The following MAPK10 variants were observed in gnomAD, a reference collection of about 807,000 sequenced individuals.
MAPK10 encodes JNK3 alpha protein kinase.
In MAPK10, 25 loss-of-function variants were observed where a neutral mutation model predicts 59.3. The ratio of observed to expected loss-of-function variants is 0.42; its 90% CI spans 0.31 to 0.59. The LOEUF (loss-of-function observed/expected upper bound fraction) is 0.59. Among genes scored for constraint, MAPK10 ranks in the 20% least tolerant of loss-of-function variants. The pLI is 0.15. For synonymous variants in MAPK10, 190 were observed against 200.5 expected (o/e 0.95, Z 0.44); for missense variants, 351 against 568.9 (o/e 0.62, Z 3.90).
chr4:86,297,900 A>G (rs2095398994), intron 2 of MAPK10, among the ~76,000 whole-genome samples: 1 of 152,150 alleles, frequency 6.6e-6, no homozygotes, highest in Non-Finnish European at 1.5e-5. Flanking sequence ...AAGATCTCTC[A>G]TGACTGGCCC....
chr4:86,540,359 G>C (rs1484442733), intron 1 of MAPK10, among the ~76,000 whole-genome samples: 1 of 152,016 alleles, frequency 6.6e-6, no homozygotes, highest in Non-Finnish European at 1.5e-5. Context: ...AATTAGCCGG[G>C]TATGGTGTCG....
intron 11 of MAPK10, among the ~76,000 whole-genome samples, chr4:86,033,256 G>A (rs769092072): frequency 2.6e-5 from 4 of 152,170 alleles, no homozygotes; most frequent in Admixed American, 6.5e-5. Flanking sequence ...GTAAATTTCC[G>A]GCTTTGCCTC....
At chr4:86,425,124 A>G (rs777401106) in intron 1 of MAPK10, among the ~76,000 whole-genome samples, 1 of 152,192 alleles carries the variant, frequency 6.6e-6, no homozygotes, top group Non-Finnish European at 1.5e-5. Context: ...TCAAGCAAAG[A>G]AAGAATCAAC....
chr4:86,570,406 C>G (rs1761365577), intron 1 of MAPK10, among the ~76,000 whole-genome samples: 1 of 152,044 alleles, frequency 6.6e-6, no homozygotes, highest in Non-Finnish European at 1.5e-5. Flanking sequence ...TTATCCCCCA[C>G]CAAAATAATT....
In MAPK10 at chr4:86,576,819, A is replaced by G. The variant is rs575825771; in HGVS notation, c.-263+17091T>C. Among the ~76,000 whole-genome samples the G allele has an allele frequency of 1.5e-3, 227 of 152,150 alleles. 1 individual carries two copies. The highest frequency in any genetic ancestry group is 5.2e-3 in the African/African-American group (214 of 41,510). ...CCTATAATTGGTTAATTATTGTGAA[A>G]TGTCTGAACACTAGACGAAGGTTTT... is the stretch of plus-strand genomic sequence containing the variant. On this transcript the variant is annotated intron_variant, in intron 1 of 4. Coordinates refer to the MAPK10 transcript ENST00000502302.
chr4:86,173,294 T>C (rs149960115), intron 3 of MAPK10, among the ~76,000 whole-genome samples: 2 of 152,096 alleles, frequency 1.3e-5, no homozygotes, highest in Non-Finnish European at 2.9e-5. Flanking sequence ...TTGAACAGAA[T>C]AGAGGGCTCA....
intron 2 of MAPK10, among the ~76,000 whole-genome samples, chr4:86,300,187 C>T (rs1584311027): frequency 6.6e-6 from 1 of 152,196 alleles, no homozygotes; most frequent in East Asian, 1.9e-4. Context: ...ACCACCTCAC[C>T]TGGCCTAATA....
chr4:86,017,044 G>A lies in MAPK10; in HGVS notation c.*184C>T, dbSNP rs1368840313. On this transcript the variant is annotated 3_prime_UTR_variant, in exon 14 of 14. Transcript: ENST00000641462. This position sits in a 1 kb window ranked among gnomAD's most constrained non-coding sequence, Gnocchi z 4.4. The stretch of plus-strand genomic sequence containing the variant: ...GTTAAATATACATTTGAGCTTAGCT[G>A]CAATACAGAACCCTGGGGAAGAAGC... 5.0e-6 allele frequency: 3 copies of A among 604,438 alleles called. No individual in the cohort carries two copies. Among genetic ancestry groups the A allele is most frequent in the Non-Finnish European group, 8.4e-6 (3 of 356,984 alleles). The allele number at this position is 604,438 out of a possible 1,614,324, so 37.4% of individuals were successfully genotyped here.
At chr4:86,529,003 ACT>A (rs1484734749) in intron 1 of MAPK10, among the ~76,000 whole-genome samples, 2 of 151,994 alleles carry the variant, frequency 1.3e-5, no homozygotes, top group Non-Finnish European at 2.9e-5. Context: ...AAGAGTTCTA[ACT>A]CTCTGTCACC....
chr4:86,507,908 C>T (rs928292789), intron 1 of MAPK10, among the ~76,000 whole-genome samples: 1 of 150,482 alleles, frequency 6.6e-6, no homozygotes, highest in South Asian at 2.1e-4. Flanking sequence ...AAGGCCATTG[C>T]AACTGTATAC....
At chr4:86,541,174 G>A (rs1758664658) in intron 1 of MAPK10, among the ~76,000 whole-genome samples, 2 of 152,130 alleles carry the variant, frequency 1.3e-5, no homozygotes, top group African/African-American at 2.4e-5. Flanking sequence ...CAATGCGACA[G>A]CTGGCTTATG....
intron 1 of MAPK10, among the ~76,000 whole-genome samples, chr4:86,359,286 CTCTGTGTG>C (rs1169396588): frequency 1.9e-4 from 22 of 118,104 alleles, no homozygotes; most frequent in African/African-American, 7.1e-4. Context: ...CTCTCTCTCT[CTCTGTGTG>C]TGTGTGTGTG....
chr4:86,584,402 G>A (rs994967969), intron 1 of MAPK10, among the ~76,000 whole-genome samples: 1 of 152,140 alleles, frequency 6.6e-6, no homozygotes, highest in Non-Finnish European at 1.5e-5. Context: ...ATATTAATAT[G>A]TCTTGAAAAA....
At chr4:86,121,690 T>A (rs2059280942) in intron 4 of MAPK10, among the ~76,000 whole-genome samples, 3 of 152,160 alleles carry the variant, frequency 2.0e-5, no homozygotes, top group African/African-American at 4.8e-5. Context: ...CTAATTAACA[T>A]ATATATTACC....
chr4:86,462,483 C>T (rs1021630062), intron 1 of MAPK10, among the ~76,000 whole-genome samples: 1 of 152,154 alleles, frequency 6.6e-6, no homozygotes, highest in Admixed American at 6.5e-5. Context: ...AAACATCCTA[C>T]CTGTGAAATA....
chr4:86,135,785 GA>G (rs1191116698), intron 4 of MAPK10, among the ~76,000 whole-genome samples: 5 of 152,024 alleles, frequency 3.3e-5, no homozygotes, highest in Admixed American at 3.3e-4. Flanking sequence ...TGAAAACTTT[GA>G]AAAAAATTTA....
chr4:86,106,416 T>C (rs1331009190), intron 5 of MAPK10, among the ~76,000 whole-genome samples: 1 of 149,006 alleles, frequency 6.7e-6, no homozygotes, highest in East Asian at 1.9e-4. Flanking sequence ...TAAAATTTTA[T>C]TTATAATAAT....
chr4:86,389,491 C>A (rs1448108168), intron 1 of MAPK10, among the ~76,000 whole-genome samples: 1 of 152,220 alleles, frequency 6.6e-6, no homozygotes, highest in Non-Finnish European at 1.5e-5. Flanking sequence ...GAGCATGCCA[C>A]ACTCCCCTAC....
At chr4:86,261,206 C>A (rs2093967539) in intron 2 of MAPK10, among the ~76,000 whole-genome samples, 1 of 152,202 alleles carries the variant, frequency 6.6e-6, no homozygotes, top group African/African-American at 2.4e-5. Flanking sequence ...ACTTGTCCTT[C>A]ACAATAATAA....
Sources: allele counts gnomAD v4.1 joint callset (sites outside exome capture counted in the v4.1 genomes callset), GRCh38; gene constraint gnomAD v4.1.1; non-coding constraint Gnocchi (gnomAD v3.1); transcripts MANE v1.5; gene names NCBI Gene and HGNC (gene_info 2026-07-23, HGNC 2026-07-21).